Variants in DSCAML1 observed in about 807,000 individuals in gnomAD.
The protein encoded by DSCAML1 is cell adhesion molecule DSCAML1.
A neutral mutation model predicts 200.5 loss-of-function variants in DSCAML1; 38 were observed. The ratio of observed to expected loss-of-function variants is 0.19; its 90% confidence interval spans 0.15 to 0.25. The LOEUF (loss-of-function observed/expected upper bound fraction) is 0.25, where lower values mean the gene tolerates loss of function less well. DSCAML1 is among the 10% of genes least tolerant of loss of function. The pLI, the probability that DSCAML1 is intolerant of heterozygous loss-of-function variation, is 1.00. For missense variants in DSCAML1, 2,223 were observed against 2,858.8 expected (o/e 0.78, Z 5.07); for synonymous variants, 1,215 against 1,165.0 (o/e 1.04, Z -0.87).
chr11:117,742,400 C>T (rs749122955), intron 3 of DSCAML1, among the ~76,000 whole-genome samples: 10 of 152,284 alleles, frequency 6.6e-5, no homozygotes, highest in East Asian at 3.9e-4. Context: ...CATTTTGGGA[C>T]GCTGGTGGTA....
intron 3 of DSCAML1, among the ~76,000 whole-genome samples, chr11:117,557,935 G>A (rs967170729): frequency 2.0e-5 from 3 of 152,090 alleles, no homozygotes; most frequent in African/African-American, 7.2e-5. Context: ...GTTGCTTCTA[G>A]CATCTAGTGG....
chr11:117,596,400 A>G (rs3016493), intron 3 of DSCAML1, among the ~76,000 whole-genome samples: 36,026 of 151,426 alleles, frequency 0.24, 4,404 homozygotes, highest in South Asian at 0.35. Flanking sequence ...AAAAAAAAAA[A>G]AAATCTCAGT....
Position 117,518,520 on chromosome 11 carries a change from T to C in DSCAML1, c.1456A>G (p.Thr486Ala), listed in dbSNP as rs1487152811. ...GCACTGCCCACCAAGTTCCGCGCTG[T>C]GCACCGGTACACGCCCCCGTCGCGG... ...QIRDGGVYRC[T>A]ARNLVGSAEY... Residue 486 changes from threonine (T) to alanine (A), a missense_variant, in exon 7 of 33, where the codon ACA becomes GCA. By Grantham distance (58) the Thr-to-Ala change is moderately conservative (BLOSUM62 0). This residue lies in a region of DSCAML1 where 579 missense variants were observed against 721.5 expected (regional missense o/e 0.80). Transcript: ENST00000651296. The surrounding 1 kb of genome is among the most constrained non-coding windows in gnomAD (Gnocchi z 6.3). 6.2e-7 allele frequency: 1 copy of C among 1,614,230 alleles called. No homozygotes were observed. Among genetic ancestry groups the C allele is most frequent in the Non-Finnish European group, 8.5e-7 (1 of 1,180,044 alleles).
At chr11:117,810,266 A>C (rs148381798) in intron 1 of DSCAML1, among the ~76,000 whole-genome samples, 1 of 151,890 alleles carries the variant, frequency 6.6e-6, no homozygotes, top group Admixed American at 6.6e-5. Flanking sequence ...TCAAAACTCC[A>C]GCGCCCTCTG....
intron 3 of DSCAML1, among the ~76,000 whole-genome samples, chr11:117,751,207 C>T (rs1401102305): frequency 6.6e-6 from 1 of 151,930 alleles, no homozygotes; most frequent in Non-Finnish European, 1.5e-5. Flanking sequence ...TAATTATATT[C>T]TGGAAAAACT....
At chr11:117,651,307 C>T (rs2052627039) in intron 3 of DSCAML1, among the ~76,000 whole-genome samples, 1 of 152,198 alleles carries the variant, frequency 6.6e-6, no homozygotes. Flanking sequence ...GCACTTTGTC[C>T]AGTGGCCCCA....
At chr11:117,660,329 C>G (rs2052821018) in intron 3 of DSCAML1, among the ~76,000 whole-genome samples, 1 of 152,226 alleles carries the variant, frequency 6.6e-6, no homozygotes, top group Non-Finnish European at 1.5e-5. Context: ...CGTTGAGGAG[C>G]CAGACCTAAA....
intron 3 of DSCAML1, among the ~76,000 whole-genome samples, chr11:117,694,057 TTATATATATA>T (rs35313833): frequency 8.6e-6 from 1 of 116,636 alleles, no homozygotes; most frequent in Non-Finnish European, 1.8e-5. Flanking sequence ...GGTTCTATCT[TTATATATATA>T]TATATATATA....
chr11:117,472,195 G>T (rs547602507), intron 14 of DSCAML1, among the ~76,000 whole-genome samples, 159 bp from the exon 15 acceptor site: 174 of 152,314 alleles, frequency 1.1e-3, no homozygotes, highest in African/African-American at 4.0e-3. Context: ...TTCACAGACG[G>T]TGCAAGGGGT....
intron 14 of DSCAML1, among the ~76,000 whole-genome samples, chr11:117,479,712 G>T (rs61380407): frequency 6.6e-6 from 1 of 152,034 alleles, no homozygotes; most frequent in Non-Finnish European, 1.5e-5. Flanking sequence ...GCAATGGCAC[G>T]ATCTTGGTTC....
At chr11:117,444,858 C>T (rs1257440784) in intron 20 of DSCAML1, among the ~76,000 whole-genome samples, 2 of 152,072 alleles carry the variant, frequency 1.3e-5, no homozygotes, top group Non-Finnish European at 1.5e-5. Flanking sequence ...TTCCCTGGCA[C>T]GGGCGGGATG....
At chr11:117,794,038 C>T (rs1047473067) in intron 1 of DSCAML1, among the ~76,000 whole-genome samples, 83 of 151,834 alleles carry the variant, frequency 5.5e-4, no homozygotes, top group Non-Finnish European at 1.0e-3. Flanking sequence ...CATTGCCCCC[C>T]CCCCCTTTTT....
At chr11:117,749,214 G>A (rs989473072) in intron 3 of DSCAML1, among the ~76,000 whole-genome samples, 5 of 152,214 alleles carry the variant, frequency 3.3e-5, no homozygotes, top group Non-Finnish European at 4.4e-5. Context: ...GAGCCGGGAC[G>A]AGGGTTTGGA....
At chr11:117,568,474 C>T (rs2050793139) in intron 3 of DSCAML1, among the ~76,000 whole-genome samples, 1 of 152,148 alleles carries the variant, frequency 6.6e-6, no homozygotes, top group Non-Finnish European at 1.5e-5. Context: ...TCTAGAAAAC[C>T]TCACTGTCTC....
chr11:117,596,871 T>C (rs4938417), intron 3 of DSCAML1, among the ~76,000 whole-genome samples: 6,100 of 152,236 alleles, frequency 0.04, 215 homozygotes, highest in African/African-American at 0.094. Context: ...AAAGGTCTCA[T>C]AGGAAAAAAG....
chr11:117,595,177 T>C (rs1486973250), intron 3 of DSCAML1, among the ~76,000 whole-genome samples: 1 of 152,010 alleles, frequency 6.6e-6, no homozygotes, highest in Non-Finnish European at 1.5e-5. Context: ...GCTTTCTTCA[T>C]AGCAGAGGGG....
chr11:117,731,344 A>G (rs537344178), intron 3 of DSCAML1, among the ~76,000 whole-genome samples: 2 of 152,216 alleles, frequency 1.3e-5, no homozygotes, highest in East Asian at 3.9e-4. Flanking sequence ...CCCACACCCC[A>G]AGGTCCTCAA....
In DSCAML1 at chr11:117,673,509, C is replaced by A. The variant is rs533254633; in HGVS notation, c.511+103282G>T. ...TGCTCTGCTTTCCTCAAGAGTCTGGCCCCATCCCCATTTTCCCATCCTCTG... is the reference window on the plus strand; with the variant it reads ...TGCTCTGCTTTCCTCAAGAGTCTGGACCCATCCCCATTTTCCCATCCTCTG... On this transcript the variant is annotated intron_variant, in intron 3 of 32. Coordinates refer to ENST00000651296, the MANE Select transcript of DSCAML1 (RefSeq NM_020693.4). 2.0e-5 allele frequency among the ~76,000 whole-genome samples: 3 copies of A among 152,276 alleles called. No individual in the cohort carries two copies. The South Asian group carries it at 6.2e-4, about 32-fold the overall frequency.
Position 117,609,040 on chromosome 11 carries a change from AAAAC to A in DSCAML1, c.512-76522_512-76519del, listed in dbSNP as rs1332636977. 1.6e-4 allele frequency among the ~76,000 whole-genome samples: 24 copies of A among 151,292 alleles called. 1 individual carries two copies. Among genetic ancestry groups the A allele is most frequent in the African/African-American group, 2.0e-4 (8 of 41,014 alleles). On this transcript the variant is annotated intron_variant, in intron 3 of 32. Transcript: ENST00000651296. ...CAAACAAACAAACAAACAAACAAAA[AAAAC>A]AAAAATTGTCTGGGCATGGTGTTGT...
Sources: allele counts gnomAD v4.1 joint callset (sites outside exome capture counted in the v4.1 genomes callset), GRCh38; gene constraint gnomAD v4.1.1; regional missense constraint gnomAD v4.1.1; non-coding constraint Gnocchi (gnomAD v3.1); transcripts MANE v1.5; gene names NCBI Gene and HGNC (gene_info 2026-07-23, HGNC 2026-07-21).